EML6: variants seen among roughly 807,000 people sequenced by gnomAD.
The protein encoded by EML6 is echinoderm microtubule-associated protein-like 6.
EML6 carries 154 observed loss-of-function variants against 240.1 expected under a neutral mutation model. That is an observed-to-expected ratio of 0.64 (90% CI 0.56 to 0.73). The LOEUF is 0.73. EML6 is among the 30% of genes least tolerant of loss of function. The pLI is 0.00. For missense variants in EML6, 2,964 were observed against 2,474.6 expected, an observed-to-expected ratio of 1.20 and a Z score of -4.20; for synonymous variants, 1,148 against 899.0, an observed-to-expected ratio of 1.28 and a Z score of -4.95.
intron 16 of EML6, among the ~76,000 whole-genome samples, chr2:54,872,044 A>G (rs1671285338): frequency 6.6e-6 from 1 of 152,194 alleles, no homozygotes. Context: ...TACTAGAGAG[A>G]AGGCTGCAAA....
chr2:54,769,702 A>C (rs1389922932), intron 2 of EML6, among the ~76,000 whole-genome samples: 1 of 152,228 alleles, frequency 6.6e-6, no homozygotes, highest in African/African-American at 2.4e-5. Flanking sequence ...CATGACGTCC[A>C]AGAGTTTTCT....
chr2:54,818,515 G>T (rs2104090752), intron 4 of EML6, among the ~76,000 whole-genome samples: 1 of 152,248 alleles, frequency 6.6e-6, no homozygotes, highest in East Asian at 1.9e-4. Flanking sequence ...ATTTTCCCCA[G>T]GATACATATG....
At chr2:54,748,921 A>G (rs978506701) in intron 2 of EML6, among the ~76,000 whole-genome samples, 1 of 152,180 alleles carries the variant, frequency 6.6e-6, no homozygotes, top group Non-Finnish European at 1.5e-5. Flanking sequence ...AAGCCTTCAT[A>G]TCGATGGACA....
In EML6 at chr2:54,834,343, T is replaced by C. The variant is rs112965432; in HGVS notation, c.847+4866T>C. 3.3e-4 allele frequency among the ~76,000 whole-genome samples: 51 copies of C among 152,300 alleles called. 1 individual carries two copies. Among genetic ancestry groups the C allele is most frequent in the African/African-American group, 7.2e-4 (30 of 41,562 alleles). On this transcript the variant is annotated intron_variant, in intron 7 of 41. Coordinates refer to ENST00000356458, the MANE Select transcript of EML6 (RefSeq NM_001039753.4). ...AAAATAATGAAGCTTGAGTAACTTA[T>C]AGTGGTGGCAAGAAAAGCCAAAATT...
chr2:54,907,942 AGATAAGATAGATAGAT>A (rs1469761120), intron 24 of EML6, among the ~76,000 whole-genome samples: 1,508 of 38,180 alleles, frequency 0.039, 13 homozygotes, highest in African/African-American at 0.071. Context: ...ATAGATAGAT[AGATAAGATAGATAGAT>A]AGATAGATAG....
At chr2:54,893,514 A>C (rs1007489589) in intron 19 of EML6, among the ~76,000 whole-genome samples, 2 of 152,196 alleles carry the variant, frequency 1.3e-5, no homozygotes, top group Non-Finnish European at 2.9e-5. Context: ...GAAAGTTCCC[A>C]CATCTTAGTA....
At chr2:54,773,404 G>A (rs942592967) in intron 2 of EML6, among the ~76,000 whole-genome samples, 1 of 152,230 alleles carries the variant, frequency 6.6e-6, no homozygotes, top group Non-Finnish European at 1.5e-5. Context: ...AAGCCAGACT[G>A]TCAAATTGCT....
At chr2:54,791,903 C>G (rs1242870830) in intron 2 of EML6, among the ~76,000 whole-genome samples, 1 of 152,076 alleles carries the variant, frequency 6.6e-6, no homozygotes, top group Non-Finnish European at 1.5e-5. Context: ...CTTGAGTTTC[C>G]TTTTAGTTCT....
At chr2:54,746,737 T>C (rs755383368) in intron 2 of EML6, among the ~76,000 whole-genome samples, 3 of 152,252 alleles carry the variant, frequency 2.0e-5, no homozygotes, top group Non-Finnish European at 2.9e-5. Flanking sequence ...ATACGTGTCC[T>C]AGTTTCATCT....
At chr2:54,891,949 A>G (rs1672490346) in intron 18 of EML6, among the ~76,000 whole-genome samples, 1 of 152,056 alleles carries the variant, frequency 6.6e-6, no homozygotes, top group Non-Finnish European at 1.5e-5. Flanking sequence ...CTTTTTTCTC[A>G]CCCCAAAATA....
chr2:54,964,620 G>T lies in EML6; in HGVS notation c.5380G>T (p.Val1794Phe). Reference sequence around the variant, plus strand: ...AGCCGTTGGTTCTTCTGAACACACAGTTGACTTCTATGACCTCACTCAGGG... The same window carrying T: ...AGCCGTTGGTTCTTCTGAACACACATTTGACTTCTATGACCTCACTCAGGG... Reference protein sequence around the residue: ...FLAVGSSEHTVDFYDLTQGTN... With the variant: ...FLAVGSSEHTFDFYDLTQGTN... The change falls in exon 38 of 42, where the codon GTT becomes TTT. Residue 1794 changes from valine (V) to phenylalanine (F), a missense_variant. Coordinates refer to ENST00000356458, the MANE Select transcript of EML6 (RefSeq NM_001039753.4). 1 of 1,552,418 alleles carries T rather than the reference G, an allele frequency of 6.4e-7. No individual in the cohort carries two copies. The highest frequency in any genetic ancestry group is 2.4e-5 in the East Asian group (1 of 40,926).
chr2:54,820,865 T>C (rs965202107), intron 5 of EML6, among the ~76,000 whole-genome samples: 4 of 152,166 alleles, frequency 2.6e-5, no homozygotes. Context: ...AAAAGAAAGG[T>C]GTCAAGTTGT....
Position 54,903,145 on chromosome 2 carries a change from G to T in EML6, c.3226G>T (p.Val1076Phe). Residue 1076 changes from valine (V) to phenylalanine (F), a missense_variant, in exon 23 of 42, where the codon GTC (valine) becomes TTC (phenylalanine). Coordinates refer to ENST00000356458, the MANE Select transcript of EML6 (RefSeq NM_001039753.4). The stretch of plus-strand genomic sequence containing the variant: ...AAATGCTGACACTGTTGAAGACATG[G>T]TCTCTTTCCATCACAGAAAAGAAAT... ...VVNADTVEDM[V>F]SFHHRKEMIS... is the part of the protein sequence containing the mutation. 1 of 1,551,912 alleles carries T rather than the reference G, an allele frequency of 6.4e-7. No homozygotes were observed. Among genetic ancestry groups the T allele is most frequent in the Non-Finnish European group, 8.7e-7 (1 of 1,146,952 alleles).
intron 25 of EML6, among the ~76,000 whole-genome samples, chr2:54,912,349 G>A (rs1209468987): frequency 3.9e-5 from 6 of 151,958 alleles, no homozygotes; most frequent in East Asian, 3.9e-4. Context: ...TTTTAATTAC[G>A]TCCTTCATTC....
rs140543924 is a variant in EML6, at chr2:54,855,007, C to T, written c.1657+1152C>T. Among the ~76,000 whole-genome samples the T allele has an allele frequency of 1.4e-4, 21 of 152,270 alleles. No individual in the cohort carries two copies. In the East Asian group the frequency reaches 3.1e-3, roughly 22 times the overall value. ...TCAGAACTTGGGAATAAACATAACT[C>T]GATGATAATTGATATCCTATACATC... On this transcript the variant is annotated intron_variant, in intron 11 of 41. Transcript: ENST00000356458.
At chr2:54,790,500 A>G (rs370343347) in intron 2 of EML6, among the ~76,000 whole-genome samples, 1 of 152,184 alleles carries the variant, frequency 6.6e-6, no homozygotes, top group South Asian at 2.1e-4. Flanking sequence ...GTACAACACC[A>G]TACTCTATTG....
At chr2:54,944,903 C>G (rs575131117) in intron 28 of EML6, among the ~76,000 whole-genome samples, 1 of 151,990 alleles carries the variant, frequency 6.6e-6, no homozygotes, top group East Asian at 1.9e-4. Flanking sequence ...GAGAGGCCCC[C>G]TGGCTTTGGA....
chr2:54,893,968 C>G (rs191983097), intron 19 of EML6, among the ~76,000 whole-genome samples: 231 of 152,112 alleles, frequency 1.5e-3, no homozygotes, highest in African/African-American at 5.4e-3. Flanking sequence ...TGTTTAAGCT[C>G]TTGTTGTTTG....
chr2:54,937,643 T>C (rs527304298), intron 28 of EML6, among the ~76,000 whole-genome samples: 10 of 152,032 alleles, frequency 6.6e-5, no homozygotes, highest in Admixed American at 4.6e-4. Context: ...TAGTGTAGTT[T>C]ACTTTATAAA....
Sources: gnomAD v4.1 joint callset for allele counts (sites outside exome capture counted in the v4.1 genomes callset) on GRCh38, gnomAD v4.1.1 for gene constraint, MANE v1.5 for transcripts, NCBI Gene and HGNC (gene_info 2026-07-23, HGNC 2026-07-21) for gene names.